Variants in AGPAT4 observed in about 807,000 individuals in gnomAD.
The protein encoded by AGPAT4 is 1-acyl-sn-glycerol-3-phosphate acyltransferase delta.
In AGPAT4, 15 loss-of-function variants were observed where a neutral mutation model predicts 48.0. The ratio of observed to expected loss-of-function variants is 0.31; its 90% CI spans 0.21 to 0.48. AGPAT4 has a LOEUF of 0.48. Ranked by LOEUF, AGPAT4 falls within the 20% of genes least tolerant of loss-of-function variation. The pLI, the probability that AGPAT4 is intolerant of heterozygous loss-of-function variation, is 0.99. For synonymous variants in AGPAT4, 178 were observed against 198.7 expected (o/e 0.90, Z 0.88); for missense variants, 314 against 482.5 (o/e 0.65, Z 3.27).
rs1034091141 is a variant in AGPAT4 at position 161,236,910 on chromosome 6, T to C, written c.-89-4608A>G. Among the ~76,000 whole-genome samples the C allele has an allele frequency of 6.6e-6, 1 of 151,714 alleles. No homozygotes were observed. Among genetic ancestry groups the C allele is most frequent in the Non-Finnish European group, 1.5e-5 (1 of 67,926 alleles). On this transcript the variant is annotated intron_variant, in intron 1 of 8. Coordinates refer to ENST00000320285, the MANE Select transcript of AGPAT4 (RefSeq NM_020133.3). The surrounding 1 kb of genome is among the most constrained non-coding windows in gnomAD (Gnocchi z 5.0). ...GAGTGAGACTCCATCTCAAACAAAA[T>C]AAATAAATAAAAGGCAGGGGGAGGC...
intron 1 of AGPAT4, among the ~76,000 whole-genome samples, chr6:161,265,386 C>T (rs1463610332): frequency 6.3e-5 from 9 of 142,466 alleles, no homozygotes; most frequent in East Asian, 2.1e-4. Flanking sequence ...TAGTACCCAC[C>T]GCTGGACTGG....
chr6:161,240,686 G>A lies in AGPAT4; in HGVS notation c.-89-8384C>T, dbSNP rs535549529. On this transcript the variant is annotated intron_variant, in intron 1 of 8. Transcript: ENST00000320285. The surrounding 1 kb of genome is among the most constrained non-coding windows in gnomAD (Gnocchi z 5.5). ...GGAGAGGGGAGTGGATACAGTCCCAGGAGAAAGGAGGGAGCTGGTGTCCAG... is the reference window on the plus strand; with the variant it reads ...GGAGAGGGGAGTGGATACAGTCCCAAGAGAAAGGAGGGAGCTGGTGTCCAG... Among the ~76,000 whole-genome samples the A allele has an allele frequency of 6.6e-6, 1 of 152,162 alleles. No individual in the cohort carries two copies. The highest frequency in any genetic ancestry group is 1.5e-5 in the Non-Finnish European group (1 of 68,022).
Position 161,178,341 on chromosome 6 carries a change from C to T in AGPAT4, c.179-11924G>A, listed in dbSNP as rs1780484747. Among the ~76,000 whole-genome samples, 1 of 152,218 alleles carries T rather than the reference C, an allele frequency of 6.6e-6. No individual in the cohort carries two copies. The highest frequency in any genetic ancestry group is 1.5e-5 in the Non-Finnish European group (1 of 68,034). ...CTCAAGCCTCAGCAATGGCGGATGCCCCTCCCCGAACCTCGCTGCCGCCTT... is the reference window on the plus strand; with the variant it reads ...CTCAAGCCTCAGCAATGGCGGATGCTCCTCCCCGAACCTCGCTGCCGCCTT... On this transcript the variant is annotated intron_variant, in intron 2 of 8. Coordinates refer to ENST00000320285, the MANE Select transcript of AGPAT4 (RefSeq NM_020133.3). This position sits in a 1 kb window ranked among gnomAD's most constrained non-coding sequence, Gnocchi z 5.1.
chr6:161,181,889 G>A (rs890099585), intron 2 of AGPAT4, among the ~76,000 whole-genome samples: 1 of 152,138 alleles, frequency 6.6e-6, no homozygotes, highest in Non-Finnish European at 1.5e-5. Context: ...GTTCTTGGAG[G>A]GGGCGTGGGG....
chr6:161,194,346 T>C (rs1781003173), intron 2 of AGPAT4, among the ~76,000 whole-genome samples: 1 of 152,184 alleles, frequency 6.6e-6, no homozygotes. Context: ...AGATAAAGCT[T>C]CTTGGCAATG....
At position 161,184,945 on chromosome 6, in the gene AGPAT4, C is replaced by T. The variant is rs555181540; in HGVS notation, c.179-18528G>A. ...GGTCAAGAGGGAGGAGTAGGTTAAA[C>T]GCCCTCACGATGAGCACCCACACAC... On this transcript the variant is annotated intron_variant, in intron 2 of 8. Transcript: ENST00000320285. This position sits in a 1 kb window ranked among gnomAD's most constrained non-coding sequence, Gnocchi z 4.8. Among the ~76,000 whole-genome samples the T allele has an allele frequency of 5.9e-5, 9 of 152,140 alleles. 1 individual carries two copies. Among genetic ancestry groups the T allele is most frequent in the Admixed American group, 2.6e-4 (4 of 15,268 alleles).
Position 161,232,033 on chromosome 6 carries a change from T to C in AGPAT4, c.178+3A>G, listed in dbSNP as rs181886606. On this transcript the variant is annotated splice_donor_region_variant and intron_variant, in intron 2 of 8. Coordinates refer to ENST00000320285, the MANE Select transcript of AGPAT4 (RefSeq NM_020133.3). The surrounding 1 kb of genome is among the most constrained non-coding windows in gnomAD (Gnocchi z 6.8). The stretch of plus-strand genomic sequence containing the variant: ...CGAAAATATAGAATCTTAAGTATCT[T>C]ACGGCTTGAGATGCAATAGGACAGT... The C allele has an allele frequency of 1.2e-3, 1,870 of 1,613,870 alleles. 18 individuals are homozygous for C. The highest frequency in any genetic ancestry group is 2.2e-4 in the Non-Finnish European group (260 of 1,179,812).
At position 161,242,497 on chromosome 6, in the gene AGPAT4, C is replaced by T. The variant is rs1363578094; in HGVS notation, c.-89-10195G>A. The stretch of plus-strand genomic sequence containing the variant: ...GCCACATCCTCCAAACCCCATCCAG[C>T]TCGCCCGCAGCCTCATGGGGCTGGA... On this transcript the variant is annotated intron_variant, in intron 1 of 8. Coordinates refer to ENST00000320285, the MANE Select transcript of AGPAT4 (RefSeq NM_020133.3). This position sits in a 1 kb window ranked among gnomAD's most constrained non-coding sequence, Gnocchi z 5.0. Among the ~76,000 whole-genome samples, 1 of 152,164 alleles carries T rather than the reference C, an allele frequency of 6.6e-6. No homozygotes were observed. The highest frequency in any genetic ancestry group is 1.5e-5 in the Non-Finnish European group (1 of 68,036).
In AGPAT4 at chr6:161,148,296, G is replaced by A. The variant is rs1388584814; in HGVS notation, c.767+891C>T. Among the ~76,000 whole-genome samples the A allele has an allele frequency of 1.3e-5, 2 of 152,228 alleles. No homozygotes were observed. Among genetic ancestry groups the A allele is most frequent in the African/African-American group, 4.8e-5 (2 of 41,454 alleles). On this transcript the variant is annotated intron_variant, in intron 6 of 8. Coordinates refer to ENST00000320285, the MANE Select transcript of AGPAT4 (RefSeq NM_020133.3). The surrounding 1 kb of genome is among the most constrained non-coding windows in gnomAD (Gnocchi z 5.5). Reference sequence around the variant, plus strand: ...AGAAGTCAGTGATGATGACGATGCTGTCCTATTTTCATGGGAAAGCCAGAG... The same window carrying A: ...AGAAGTCAGTGATGATGACGATGCTATCCTATTTTCATGGGAAAGCCAGAG...
Position 161,206,953 on chromosome 6 carries a change from T to C in AGPAT4, c.178+25083A>G, listed in dbSNP as rs1048769466. 1.5e-4 allele frequency among the ~76,000 whole-genome samples: 23 copies of C among 152,192 alleles called. No individual in the cohort carries two copies. Among genetic ancestry groups the C allele is most frequent in the Non-Finnish European group, 1.5e-5 (1 of 68,042 alleles). ...ACCAGTGAACTCAAAGGCAGAACAG[T>C]AGAAATCAGCTCATCTGGACAACAG... On this transcript the variant is annotated intron_variant, in intron 2 of 8. Transcript: ENST00000320285. This position sits in a 1 kb window ranked among gnomAD's most constrained non-coding sequence, Gnocchi z 4.8.
Position 161,261,912 on chromosome 6 carries a change from T to C in AGPAT4, c.-90+12026A>G, listed in dbSNP as rs1024152748. Among the ~76,000 whole-genome samples, 2 of 152,208 alleles carry C rather than the reference T, an allele frequency of 1.3e-5. No individual in the cohort carries two copies. Among genetic ancestry groups the C allele is most frequent in the African/African-American group, 4.8e-5 (2 of 41,450 alleles). ...GGGCTCCTGGGCCAGAGACCCAGTT[T>C]GCCTGTATGAGCTGTGCAGCCCTGG... On this transcript the variant is annotated intron_variant, in intron 1 of 8. Coordinates refer to ENST00000320285, the MANE Select transcript of AGPAT4 (RefSeq NM_020133.3). The surrounding 1 kb of genome is among the most constrained non-coding windows in gnomAD (Gnocchi z 5.3).
chr6:161,179,348 A>C (rs1241734232), intron 2 of AGPAT4, among the ~76,000 whole-genome samples: 2 of 152,198 alleles, frequency 1.3e-5, no homozygotes, highest in African/African-American at 2.4e-5. Flanking sequence ...ATAAAACATG[A>C]TTGCAGTGCG....
At chr6:161,247,330 T>C (rs770396418) in intron 1 of AGPAT4, among the ~76,000 whole-genome samples, 5 of 152,354 alleles carry the variant, frequency 3.3e-5, no homozygotes, top group South Asian at 2.1e-4. Context: ...TAATTCATTA[T>C]ACAAAATGCA....
intron 2 of AGPAT4, among the ~76,000 whole-genome samples, chr6:161,186,501 C>T (rs1374896848): frequency 1.3e-5 from 2 of 152,228 alleles, no homozygotes; most frequent in East Asian, 3.9e-4. Flanking sequence ...CTTCCATGTC[C>T]ACCACCGCCT....
chr6:161,269,338 A>T (rs961610468), intron 1 of AGPAT4, among the ~76,000 whole-genome samples: 12 of 152,340 alleles, frequency 7.9e-5, no homozygotes, highest in African/African-American at 2.6e-4. Flanking sequence ...AGGTACAAAA[A>T]ATATATAAAA....
In AGPAT4 at chr6:161,158,819, CGAGCAGCATGGCTGG is replaced by C. The variant is rs1779839442; in HGVS notation, c.349-4524_349-4510del. Reference sequence around the variant, plus strand: ...ATGAAGATTCCAAACCCCGGTGCTGCGAGCAGCATGGCTGGGAGCAGCAGGGTATCCTGCTCCTGC... The same window carrying C: ...ATGAAGATTCCAAACCCCGGTGCTGCGAGCAGCAGGGTATCCTGCTCCTGC... On this transcript the variant is annotated intron_variant, in intron 3 of 8. Coordinates refer to ENST00000320285, the MANE Select transcript of AGPAT4 (RefSeq NM_020133.3). The surrounding 1 kb of genome is among the most constrained non-coding windows in gnomAD (Gnocchi z 5.3). Among the ~76,000 whole-genome samples the C allele has an allele frequency of 6.6e-6, 1 of 152,186 alleles. No homozygotes were observed. The highest frequency in any genetic ancestry group is 1.9e-4 in the East Asian group (1 of 5,182).
intron 2 of AGPAT4, among the ~76,000 whole-genome samples, chr6:161,186,674 T>C (rs1245324876): frequency 6.6e-6 from 1 of 152,084 alleles, no homozygotes; most frequent in Non-Finnish European, 1.5e-5. Flanking sequence ...ACCAGATGAC[T>C]GCAGGCTCCC....
chr6:161,166,169 T>C lies in AGPAT4; in HGVS notation c.348+79A>G. On this transcript the variant is annotated intron_variant, in intron 3 of 8. Transcript: ENST00000320285. This position sits in a 1 kb window ranked among gnomAD's most constrained non-coding sequence, Gnocchi z 6.7. ...TGTTGATTCTTCTGCAAGTTCTGAA[T>C]GACCAGGAGCAAAAAGACAAGTGGT... The C allele has an allele frequency of 1.3e-6, 2 of 1,535,762 alleles. No homozygotes were observed. Among genetic ancestry groups the C allele is most frequent in the Non-Finnish European group, 1.8e-6 (2 of 1,128,556 alleles).
In AGPAT4 at chr6:161,204,605, A is replaced by C. The variant is rs1033064908; in HGVS notation, c.178+27431T>G. Among the ~76,000 whole-genome samples the C allele has an allele frequency of 3.3e-5, 5 of 152,148 alleles. No individual in the cohort carries two copies. Among genetic ancestry groups the C allele is most frequent in the African/African-American group, 1.2e-4 (5 of 41,416 alleles). On this transcript the variant is annotated intron_variant, in intron 2 of 8. Coordinates refer to ENST00000320285, the MANE Select transcript of AGPAT4 (RefSeq NM_020133.3). This position sits in a 1 kb window ranked among gnomAD's most constrained non-coding sequence, Gnocchi z 4.4. Reference sequence around the variant, plus strand: ...GAAGTTTAACTCTCCCAAATTTTACAAATGTTAATTAAATCTCAAAAGGCA... The same window carrying C: ...GAAGTTTAACTCTCCCAAATTTTACCAATGTTAATTAAATCTCAAAAGGCA...
Sources: allele counts gnomAD v4.1 joint callset (sites outside exome capture counted in the v4.1 genomes callset), GRCh38; gene constraint gnomAD v4.1.1; non-coding constraint Gnocchi (gnomAD v3.1); transcripts MANE v1.5; gene names NCBI Gene and HGNC (gene_info 2026-07-23, HGNC 2026-07-21).